The following KIAA0753 variants were observed in gnomAD, a reference collection of about 807,000 sequenced individuals.
The protein encoded by KIAA0753 is protein moonraker.
A neutral mutation model predicts 116.9 loss-of-function variants in KIAA0753; 114 were observed. The observed-to-expected ratio is 0.98, with a 90% CI of 0.84 to 1.14. The LOEUF (loss-of-function observed/expected upper bound fraction) is 1.14. Ranked by LOEUF, KIAA0753 falls within the 50% of genes most tolerant of loss-of-function variation. The pLI is 0.00. For missense variants in KIAA0753, 1,156 were observed against 1,172.4 expected, an observed-to-expected ratio of 0.99 and a Z score of 0.20; for synonymous variants, 405 against 413.1, an observed-to-expected ratio of 0.98 and a Z score of 0.24.
rs748258352 is a variant in KIAA0753, at chr17:6,600,459, C to T, written c.2010-1G>A. ...GTCTGCTAAGTGGGTGGCAGAAACA[C>T]TATTTAGAAATAAAATTGAAAATTA... On this transcript the variant is annotated splice_acceptor_variant, in intron 12 of 18. Transcript: ENST00000361413. LOFTEE classifies it high-confidence loss of function. The T allele has an allele frequency of 1.1e-5, 17 of 1,609,270 alleles. No individual in the cohort carries two copies. The highest frequency in any genetic ancestry group is 1.4e-5 in the Non-Finnish European group (16 of 1,176,082).
At chr17:6,580,814 C>CTG (rs1968106545) in intron 18 of KIAA0753, among the ~76,000 whole-genome samples, 1 of 151,932 alleles carries the variant, frequency 6.6e-6, no homozygotes, top group Non-Finnish European at 1.5e-5. Flanking sequence ...TAACAGCTGC[C>CTG]TGACCGGCCG....
chr17:6,604,732 T>C (rs1251739558), intron 12 of KIAA0753, among the ~76,000 whole-genome samples: 2 of 151,992 alleles, frequency 1.3e-5, no homozygotes, highest in African/African-American at 4.8e-5. Flanking sequence ...CCAATGTTAA[T>C]ATCCTGGTTG....
rs755454949 is a variant in KIAA0753, at chr17:6,606,878, T to C, written c.2004A>G (p.Gln668=). ...LKAEEMYRLQ[Q]LSVSATHLAD... ...CCTAAGAAGCAAACACATACCTCAA[T>C]TGTTGGAGTCTATACATTTCTTCAG... The change falls in exon 12 of 19, where the codon CAA becomes CAG. Residue 668 remains glutamine (Q), a synonymous_variant. Transcript: ENST00000361413. 30 of 1,612,600 alleles carry C rather than the reference T, an allele frequency of 1.9e-5. No homozygotes were observed. In the African/African-American group the frequency reaches 2.8e-4, roughly 15 times the overall value.
At chr17:6,591,040 GGAA>G (rs71157205) in intron 16 of KIAA0753, among the ~76,000 whole-genome samples, 8,482 of 99,094 alleles carry the variant, frequency 0.086, 450 homozygotes, top group Non-Finnish European at 0.099. Context: ...GAAGGAAGAA[GGAA>G]GAAGAAGAAG....
At chr17:6,634,716 T>C (rs1972205222) in intron 2 of KIAA0753, 2 of 232,918 alleles carry the variant, frequency 8.6e-6, no homozygotes, top group South Asian at 1.7e-4. Context: ...AGGGAATTTT[T>C]TGGGTCCATT....
chr17:6,625,256 T>C (rs1358148497), intron 3 of KIAA0753, among the ~76,000 whole-genome samples: 3 of 152,220 alleles, frequency 2.0e-5, no homozygotes, highest in Admixed American at 1.3e-4. Flanking sequence ...AGTTTTACAA[T>C]GTAAAGAAGG....
chr17:6,623,706 G>A, intron 4 of KIAA0753, 135 bp from the exon 5 acceptor site: 1 of 1,297,978 alleles, frequency 7.7e-7, no homozygotes, highest in South Asian at 1.7e-5. Flanking sequence ...ATGAAAAAAA[G>A]GCTCTTCATT....
At chr17:6,586,320 T>C (rs1968572391) in intron 18 of KIAA0753, among the ~76,000 whole-genome samples, 1 of 152,218 alleles carries the variant, frequency 6.6e-6, no homozygotes, top group Non-Finnish European at 1.5e-5. Context: ...CAGGTATTTA[T>C]AGCAATGCAA....
In KIAA0753 at chr17:6,579,403, T is replaced by C. The variant is rs562935016; in HGVS notation, c.*344A>G. 5.5e-5 allele frequency: 11 copies of C among 201,160 alleles called. No individual in the cohort carries two copies. The highest frequency in any genetic ancestry group is 8.2e-5 in the Non-Finnish European group (8 of 97,242). 12.5% of individuals were successfully genotyped at this position (201,160 alleles called of 1,614,324 possible). ...CCTGAATCCTTGTGTGAAATATACG[T>C]ATCGATTATCTTTCAAAACATTTTC... is the stretch of plus-strand genomic sequence containing the variant. On this transcript the variant is annotated 3_prime_UTR_variant, in exon 19 of 19. Coordinates refer to ENST00000361413, the MANE Select transcript of KIAA0753 (RefSeq NM_014804.3).
At chr17:6,623,163 C>T (rs1289753774) in intron 5 of KIAA0753, 66 bp from the exon 6 acceptor site, 1 of 1,393,098 alleles carries the variant, frequency 7.2e-7, no homozygotes, top group Non-Finnish European at 9.9e-7. Flanking sequence ...CACCCAACTT[C>T]TAAGAATATT....
intron 2 of KIAA0753, among the ~76,000 whole-genome samples, chr17:6,633,026 A>C (rs1258032684): frequency 6.6e-6 from 1 of 152,214 alleles, no homozygotes; most frequent in Non-Finnish European, 1.5e-5. Context: ...AGATTACATG[A>C]TGGTATCGAT....
At chr17:6,592,876 A>AT (rs1052842810) in intron 16 of KIAA0753, among the ~76,000 whole-genome samples, 7 of 151,568 alleles carry the variant, frequency 4.6e-5, no homozygotes, top group African/African-American at 1.5e-4. Flanking sequence ...AGCTGAGCCC[A>AT]TTTTTTTTCC....
chr17:6,612,287 G>T, intron 7 of KIAA0753, 139 bp from the exon 8 acceptor site: 1 of 654,080 alleles, frequency 1.5e-6, no homozygotes, highest in South Asian at 2.0e-5. Context: ...TGTCAACATT[G>T]TTCCTCCTCC....
chr17:6,587,217 G>A (rs893549941), intron 18 of KIAA0753, among the ~76,000 whole-genome samples: 1 of 152,092 alleles, frequency 6.6e-6, no homozygotes, highest in African/African-American at 2.4e-5. Context: ...AGGTGACAGA[G>A]TGAGACTCCA....
intron 9 of KIAA0753, among the ~76,000 whole-genome samples, chr17:6,609,532 ATAGTTT>A (rs1462417504): frequency 1.3e-5 from 2 of 152,242 alleles, no homozygotes; most frequent in Non-Finnish European, 2.9e-5. Context: ...TGAGATCTAT[ATAGTTT>A]TATAGTTCAT....
chr17:6,597,691 A>G (rs1305301516), intron 14 of KIAA0753, among the ~76,000 whole-genome samples: 1 of 152,244 alleles, frequency 6.6e-6, no homozygotes, highest in East Asian at 1.9e-4. Flanking sequence ...CAGATACGTT[A>G]TAATGGTACC....
chr17:6,600,559 G>A (rs752730147), intron 12 of KIAA0753, 101 bp from the exon 13 acceptor site: 4 of 843,040 alleles, frequency 4.7e-6, no homozygotes, highest in African/African-American at 3.4e-5. Flanking sequence ...AAATGACCAC[G>A]AGCTTCTCTA....
Position 6,599,315 on chromosome 17 carries a change from G to C in KIAA0753, c.2094C>G (p.Val698=). Reference sequence around the variant, plus strand: ...GAATATTTGCTTCTGTAGTAGAATTGACTCTCTATTAAAACAGACAAATAC... The same window carrying C: ...GAATATTTGCTTCTGTAGTAGAATTCACTCTCTATTAAAACAGACAAATAC... ...LKPLLVKAQR[V]NSTTEANIHL... The change falls in exon 14 of 19, where the codon GTC becomes GTG. Residue 698 remains valine, a synonymous_variant. Coordinates refer to ENST00000361413, the MANE Select transcript of KIAA0753 (RefSeq NM_014804.3). The C allele has an allele frequency of 6.2e-7, 1 of 1,608,160 alleles. No homozygotes were observed. The highest frequency in any genetic ancestry group is 1.1e-5 in the South Asian group (1 of 90,892).
In KIAA0753 at chr17:6,607,198, G is replaced by T. The variant is rs1244198505; in HGVS notation, c.1902C>A (p.Asp634Glu). Residue 634 changes from aspartate to glutamate, a missense_variant, in exon 11 of 19, where the codon GAC becomes GAA. Transcript: ENST00000361413. Reference sequence around the variant, plus strand: ...ATATTTACCTCTGTTTTTGCATGCTGTCAATTTCCTTGGCTTTTAACTCTT... The same window carrying T: ...ATATTTACCTCTGTTTTTGCATGCTTTCAATTTCCTTGGCTTTTAACTCTT... ...ELEELKAKEI[D>E]SMQKQRLDWL... 1.2e-6 allele frequency: 2 copies of T among 1,613,676 alleles called. No homozygotes were observed. The highest frequency in any genetic ancestry group is 2.2e-5 in the South Asian group (2 of 91,052).
Sources: allele counts gnomAD v4.1 joint callset (sites outside exome capture counted in the v4.1 genomes callset), GRCh38; gene constraint gnomAD v4.1.1; transcripts MANE v1.5; gene names NCBI Gene and HGNC (gene_info 2026-07-23, HGNC 2026-07-21).